CSMD1: variants seen among roughly 807,000 people sequenced by gnomAD.
The protein encoded by CSMD1 is CUB and sushi domain-containing protein 1.
Under a neutral mutation model 417.5 loss-of-function variants are expected in CSMD1, and 213 were observed. The observed-to-expected ratio is 0.51, with a 90% CI of 0.46 to 0.57. CSMD1 has a LOEUF of 0.57. CSMD1 is among the 20% of genes least tolerant of loss of function. The pLI is 0.00. For synonymous variants in CSMD1, 2,862 were observed against 1,736.8 expected (o/e 1.65, Z -16.11); for missense variants, 6,923 against 4,529.7 (o/e 1.53, Z -15.17).
At chr8:3,482,009 G>A (rs1817776954) in intron 11 of CSMD1, among the ~76,000 whole-genome samples, 1 of 152,040 alleles carries the variant, frequency 6.6e-6, no homozygotes, top group African/African-American at 2.4e-5. Flanking sequence ...GTAATGCCCA[G>A]AACAACCACT....
intron 7 of CSMD1, among the ~76,000 whole-genome samples, chr8:3,695,283 C>T (rs1311877396): frequency 6.6e-6 from 1 of 151,906 alleles, no homozygotes; most frequent in Non-Finnish European, 1.5e-5. Flanking sequence ...ATTATAGTGC[C>T]GCGATGCAGA....
chr8:4,792,652 T>A (rs1162956625), intron 1 of CSMD1, among the ~76,000 whole-genome samples: 1 of 152,136 alleles, frequency 6.6e-6, no homozygotes, highest in Non-Finnish European at 1.5e-5. Context: ...CTTTTGTAAT[T>A]ATATGGGACA....
intron 3 of CSMD1, among the ~76,000 whole-genome samples, chr8:4,378,490 ATC>A (rs367807744): frequency 6.6e-6 from 1 of 151,696 alleles, no homozygotes. Context: ...TATCCCCTTT[ATC>A]TCTCTCTCTC....
intron 25 of CSMD1, among the ~76,000 whole-genome samples, chr8:3,299,769 G>C (rs1173675532): frequency 6.6e-6 from 1 of 152,102 alleles, no homozygotes. Context: ...CATAGGAAAG[G>C]TATAAACAGA....
intron 37 of CSMD1, among the ~76,000 whole-genome samples, chr8:3,169,608 C>T (rs555160337): frequency 6.6e-6 from 1 of 152,210 alleles, no homozygotes; most frequent in South Asian, 2.1e-4. Flanking sequence ...TGTGCATATA[C>T]TTAATACCAC....
intron 4 of CSMD1, among the ~76,000 whole-genome samples, chr8:4,022,244 T>C (rs1186675956): frequency 1.3e-5 from 2 of 150,282 alleles, no homozygotes; most frequent in Non-Finnish European, 3.0e-5. Flanking sequence ...ACTATTTTGG[T>C]CTATGCCTCA....
At chr8:3,466,672 G>A (rs770655913) in intron 12 of CSMD1, among the ~76,000 whole-genome samples, 25 of 147,862 alleles carry the variant, frequency 1.7e-4, no homozygotes, top group East Asian at 8.0e-4. Flanking sequence ...TAAGTGATCC[G>A]CCTGCCTTGG....
At position 3,284,136 on chromosome 8, in the gene CSMD1, C is replaced by A; in HGVS notation, c.4153+8G>T. ...CAAGGTAAAGAAGAAGCACGCTGTG[C>A]CACCTACTGGAGAACTGGATGGAGA... On this transcript the variant is annotated splice_region_variant and intron_variant, in intron 26 of 69. Transcript: ENST00000635120. 6.4e-7 allele frequency: 1 copy of A among 1,553,888 alleles called. No individual in the cohort carries two copies. The highest frequency in any genetic ancestry group is 8.7e-7 in the Non-Finnish European group (1 of 1,147,672).
chr8:3,622,106 G>A (rs1796280860), intron 7 of CSMD1, among the ~76,000 whole-genome samples: 1 of 151,994 alleles, frequency 6.6e-6, no homozygotes, highest in Non-Finnish European at 1.5e-5. Flanking sequence ...ATGTGCTGGG[G>A]TACAGTTCTC....
chr8:4,204,393 A>T (rs1563269170), intron 3 of CSMD1, among the ~76,000 whole-genome samples: 1 of 152,170 alleles, frequency 6.6e-6, no homozygotes, highest in Non-Finnish European at 1.5e-5. Context: ...CTGTTCTACA[A>T]ATTAGGAAAG....
At chr8:4,153,242 C>T (rs961697012) in intron 3 of CSMD1, among the ~76,000 whole-genome samples, 2 of 152,142 alleles carry the variant, frequency 1.3e-5, no homozygotes, top group African/African-American at 4.8e-5. Context: ...GGAGAGTATG[C>T]CAGAAATGAT....
chr8:4,846,977 T>G (rs768244656), intron 1 of CSMD1, among the ~76,000 whole-genome samples: 53 of 152,266 alleles, frequency 3.5e-4, no homozygotes, highest in East Asian at 9.7e-4. Context: ...TTTTTCAAGA[T>G]CCCTTACATC....
intron 3 of CSMD1, among the ~76,000 whole-genome samples, chr8:4,270,228 G>T (rs1050687869): frequency 6.6e-6 from 1 of 152,096 alleles, no homozygotes; most frequent in Non-Finnish European, 1.5e-5. Flanking sequence ...ATCACACCAG[G>T]CATTTCTTTC....
chr8:4,306,954 C>T (rs931669721), intron 3 of CSMD1, among the ~76,000 whole-genome samples: 1 of 152,114 alleles, frequency 6.6e-6, no homozygotes, highest in African/African-American at 2.4e-5. Flanking sequence ...GATCCTACCC[C>T]CAAGCATCTC....
intron 5 of CSMD1, among the ~76,000 whole-genome samples, chr8:3,926,051 T>TAG (rs752699683): frequency 2.6e-5 from 2 of 76,614 alleles, no homozygotes; most frequent in Non-Finnish European, 4.8e-5. Flanking sequence ...ACAAACACCA[T>TAG]ATACACACAC....
At chr8:4,950,883 G>C (rs7004731) in intron 1 of CSMD1, among the ~76,000 whole-genome samples, 80,076 of 151,722 alleles carry the variant, frequency 0.53, 21,184 homozygotes, top group East Asian at 0.56. Flanking sequence ...AAAAGTACCA[G>C]GGTGGCAAAC....
chr8:3,353,160 T>G (rs1365170364), intron 21 of CSMD1, among the ~76,000 whole-genome samples: 1 of 152,194 alleles, frequency 6.6e-6, no homozygotes, highest in Non-Finnish European at 1.5e-5. Flanking sequence ...GCTTATGACT[T>G]TAATAACCTT....
At position 4,019,834 on chromosome 8, in the gene CSMD1, C is replaced by G. The variant is rs191981295; in HGVS notation, c.610+12071G>C. ...CCTTTCTTTCACTAGGCACTCTTGTCCTTTTTCCTGAGCCCCAAACCATTT... is the reference window on the plus strand; with the variant it reads ...CCTTTCTTTCACTAGGCACTCTTGTGCTTTTTCCTGAGCCCCAAACCATTT... On this transcript the variant is annotated intron_variant, in intron 4 of 69. Transcript: ENST00000635120. Among the ~76,000 whole-genome samples the G allele has an allele frequency of 1.2e-4, 18 of 151,662 alleles. No homozygotes were observed. The East Asian group carries it at 2.3e-3, about 20-fold the overall frequency.
At chr8:3,223,939 G>T in intron 27 of CSMD1, 72 bp from the exon 28 acceptor site, 1 of 1,457,410 alleles carries the variant, frequency 6.9e-7, no homozygotes, top group East Asian at 2.3e-5. Context: ...TGTGGAAGGA[G>T]ACACCACAGA....
Sources: allele counts gnomAD v4.1 joint callset (sites outside exome capture counted in the v4.1 genomes callset), GRCh38; gene constraint gnomAD v4.1.1; transcripts MANE v1.5; gene names NCBI Gene and HGNC (gene_info 2026-07-23, HGNC 2026-07-21).